The following KLHL20 variants were observed in gnomAD, a reference collection of about 807,000 sequenced individuals.
The protein encoded by KLHL20 is kelch like family member 20, also known as kelch-like protein 20.
KLHL20 carries 29 observed loss-of-function variants against 69.5 expected under a neutral mutation model. That is an observed-to-expected ratio of 0.42 (90% CI 0.31 to 0.57). The LOEUF is 0.57. KLHL20 is among the 20% of genes least tolerant of loss of function. The probability of loss-of-function intolerance (pLI) is 0.18; values close to 1 mark genes in which losing one functional copy is unlikely to be tolerated. For missense variants in KLHL20, 419 were observed against 776.0 expected, an observed-to-expected ratio of 0.54 and a Z score of 5.47; for synonymous variants, 253 against 265.2, an observed-to-expected ratio of 0.95 and a Z score of 0.45.
intron 11 of KLHL20, among the ~76,000 whole-genome samples, chr1:173,782,629 T>C (rs1343468006): frequency 6.6e-6 from 1 of 152,154 alleles, no homozygotes; most frequent in Non-Finnish European, 1.5e-5. Context: ...GTGGGAAACC[T>C]ATGCCTAGGA....
intron 7 of KLHL20, among the ~76,000 whole-genome samples, chr1:173,762,250 A>AG (rs1346448812): frequency 6.6e-6 from 1 of 152,174 alleles, no homozygotes; most frequent in Non-Finnish European, 1.5e-5. Flanking sequence ...ACAAAAAAAA[A>AG]GTCCAGGACC....
At chr1:173,775,021 G>C (rs1160992725) in intron 9 of KLHL20, among the ~76,000 whole-genome samples, 1 of 152,050 alleles carries the variant, frequency 6.6e-6, no homozygotes, top group African/African-American at 2.4e-5. Flanking sequence ...GTGTTGCCCA[G>C]GTTGGTCTCA....
At chr1:173,722,988 C>G (rs1671784590) in intron 2 of KLHL20, among the ~76,000 whole-genome samples, 1 of 152,166 alleles carries the variant, frequency 6.6e-6, no homozygotes, top group African/African-American at 2.4e-5. Flanking sequence ...CCGCGCCTGG[C>G]ACTATGGTAT....
chr1:173,756,627 A>C (rs1263166614), intron 6 of KLHL20, among the ~76,000 whole-genome samples: 1 of 152,206 alleles, frequency 6.6e-6, no homozygotes, highest in Admixed American at 6.5e-5. Context: ...TCCCATAATC[A>C]CATGGAATTG....
At chr1:173,760,179 G>T (rs761265513) in intron 7 of KLHL20, among the ~76,000 whole-genome samples, 6 of 151,950 alleles carry the variant, frequency 3.9e-5, no homozygotes, top group Non-Finnish European at 7.4e-5. Context: ...AAAGAAAAAA[G>T]AATAAGAAAA....
intron 8 of KLHL20, among the ~76,000 whole-genome samples, chr1:173,769,282 G>A (rs921239361): frequency 2.6e-5 from 4 of 152,062 alleles, no homozygotes; most frequent in African/African-American, 9.7e-5. Flanking sequence ...AGAAAGGGGG[G>A]ATGAAGGGGA....
intron 7 of KLHL20, 88 bp from the exon 8 acceptor site, chr1:173,766,058 T>G: frequency 9.8e-7 from 1 of 1,020,960 alleles, no homozygotes; most frequent in Non-Finnish European, 1.3e-6. Context: ...ATAATATATA[T>G]CATATAAATC....
intron 7 of KLHL20, among the ~76,000 whole-genome samples, chr1:173,762,307 G>T (rs1393627276): frequency 3.9e-5 from 6 of 152,082 alleles, no homozygotes; most frequent in Non-Finnish European, 2.9e-5. Flanking sequence ...AGAAAAATTG[G>T]TACCAATCCT....
intron 9 of KLHL20, 30 bp downstream of exon 9, chr1:173,774,468 C>T: frequency 6.2e-7 from 1 of 1,612,666 alleles, no homozygotes; most frequent in South Asian, 1.1e-5. Context: ...AATCAGGTTC[C>T]CCAAAAGCAG....
chr1:173,737,557 C>G (rs959129593), intron 3 of KLHL20, among the ~76,000 whole-genome samples: 1 of 152,190 alleles, frequency 6.6e-6, no homozygotes, highest in Non-Finnish European at 1.5e-5. Context: ...TTTCTGGGTT[C>G]TCTATTCTTT....
chr1:173,743,013 C>T (rs1672890614), intron 3 of KLHL20, among the ~76,000 whole-genome samples: 1 of 148,798 alleles, frequency 6.7e-6, no homozygotes, highest in South Asian at 2.1e-4. Context: ...TTGGAACATA[C>T]ATGACAGAAA....
chr1:173,723,209 G>T (rs149747672), intron 2 of KLHL20, among the ~76,000 whole-genome samples: 26 of 152,272 alleles, frequency 1.7e-4, no homozygotes, highest in Non-Finnish European at 3.7e-4. Context: ...AAAGAAGCTT[G>T]ATTGTACCAC....
intron 3 of KLHL20, among the ~76,000 whole-genome samples, chr1:173,750,606 G>T (rs1274349106): frequency 1.3e-5 from 2 of 151,618 alleles, no homozygotes; most frequent in Non-Finnish European, 2.9e-5. Context: ...CTGCCTCAGG[G>T]TTTCACCATG....
Position 173,740,346 on chromosome 1 carries a change from G to A in KLHL20, c.597+6060G>A, listed in dbSNP as rs529498061. Among the ~76,000 whole-genome samples the A allele has an allele frequency of 4.6e-4, 70 of 151,476 alleles. 1 individual carries two copies. The highest frequency in any genetic ancestry group is 6.8e-3 in the Middle Eastern group (2 of 292). On this transcript the variant is annotated intron_variant, in intron 3 of 11. Transcript: ENST00000209884. The stretch of plus-strand genomic sequence containing the variant: ...ACCGTGGTCTTGATCTCCTGACCTC[G>A]TGATCCACCCGCCTCGGCCTCCCAA...
intron 3 of KLHL20, among the ~76,000 whole-genome samples, chr1:173,735,175 G>T (rs1292704319): frequency 6.6e-6 from 1 of 152,252 alleles, no homozygotes; most frequent in African/African-American, 2.4e-5. Flanking sequence ...GCCTGGTGCA[G>T]TGGCACATGC....
chr1:173,770,419 C>A (rs1451391886), intron 8 of KLHL20, among the ~76,000 whole-genome samples: 3 of 152,044 alleles, frequency 2.0e-5, no homozygotes, highest in Non-Finnish European at 4.4e-5. Context: ...AAATGAAGGC[C>A]GGGCACAGTG....
intron 1 of KLHL20, chr1:173,715,698 C>T (rs1254974214): frequency 1.2e-5 from 3 of 259,656 alleles, no homozygotes; most frequent in Non-Finnish European, 2.2e-5. Flanking sequence ...TGTAAATATA[C>T]TTGATGTCGA....
chr1:173,733,604 TCAC>T lies in KLHL20; in HGVS notation c.24-106_24-104del, dbSNP rs558813927. ...CTCTACAAAAAATTTAAAAAAAAAA[TCAC>T]CAAGCTAATTACATTTCCTTATCGC... is the stretch of plus-strand genomic sequence containing the variant. On this transcript the variant is annotated intron_variant, in intron 2 of 11. Coordinates refer to ENST00000209884, the MANE Select transcript of KLHL20 (RefSeq NM_014458.4). 65 of 990,398 alleles carry T rather than the reference TCAC, an allele frequency of 6.6e-5. No individual in the cohort carries two copies. The African/African-American group carries it at 8.5e-4, about 13-fold the overall frequency. 61.4% of individuals were successfully genotyped at this position (990,398 alleles called of 1,614,324 possible). A position where few individuals can be genotyped will look rare whatever the true frequency, so the allele number is the denominator to read the frequency against.
chr1:173,730,605 A>C (rs1324754196), intron 2 of KLHL20, among the ~76,000 whole-genome samples: 1 of 152,202 alleles, frequency 6.6e-6, no homozygotes, highest in Non-Finnish European at 1.5e-5. Flanking sequence ...ACCTGAGAAA[A>C]ACAAGCAATG....
Sources: allele counts gnomAD v4.1 joint callset (sites outside exome capture counted in the v4.1 genomes callset), GRCh38; gene constraint gnomAD v4.1.1; transcripts MANE v1.5; gene names NCBI Gene and HGNC (gene_info 2026-07-23, HGNC 2026-07-21).